HTRA3: variants seen among roughly 807,000 people sequenced by gnomAD.
HTRA3 encodes HtrA serine peptidase 3.
Under a neutral mutation model 43.2 loss-of-function variants are expected in HTRA3, and 41 were observed. The observed-to-expected ratio is 0.95, with a 90% CI of 0.74 to 1.23. The LOEUF (loss-of-function observed/expected upper bound fraction) is 1.23, where lower values mean the gene tolerates loss of function less well. HTRA3 is among the 50% of genes most tolerant of loss of function. The pLI is 0.00. For missense variants in HTRA3, 628 were observed against 647.1 expected, an observed-to-expected ratio of 0.97 and a Z score of 0.32; for synonymous variants, 295 against 287.9, an observed-to-expected ratio of 1.02 and a Z score of -0.25.
intron 3 of HTRA3, among the ~76,000 whole-genome samples, chr4:8,291,008 TA>T (rs1713213674): frequency 6.6e-6 from 1 of 152,236 alleles, no homozygotes; most frequent in Non-Finnish European, 1.5e-5. Context: ...TAGTAGTTTT[TA>T]CCAGGTGTCT....
intron 1 of HTRA3, among the ~76,000 whole-genome samples, chr4:8,271,900 G>A (rs550108887): frequency 6.6e-6 from 1 of 152,350 alleles, no homozygotes; most frequent in African/African-American, 2.4e-5. Flanking sequence ...GGGTGAGGGT[G>A]ATGAGGTCCG....
intron 1 of HTRA3, among the ~76,000 whole-genome samples, chr4:8,274,355 T>C (rs1712432180): frequency 6.6e-6 from 1 of 152,216 alleles, no homozygotes; most frequent in Non-Finnish European, 1.5e-5. Flanking sequence ...CAGGTCATCC[T>C]TCATTGCTTG....
In HTRA3 at chr4:8,294,097, T is replaced by A; in HGVS notation, c.947T>A (p.Val316Asp). The change falls in exon 6 of 9, where the codon GTC (valine) becomes GAC (aspartate). Residue 316 changes from valine to aspartate, a missense_variant. Val to Asp is a radical substitution (Grantham distance 152). Transcript: ENST00000307358. ...TACCTCCCTGCCCAGGATGGCGAGG[T>A]CATTGGCATCAACACGCTCAAGGTC... ...GGPLVNLDGE[V>D]IGINTLKVTA... 1 of 1,609,454 alleles carries A rather than the reference T, an allele frequency of 6.2e-7. No individual in the cohort carries two copies. The highest frequency in any genetic ancestry group is 8.5e-7 in the Non-Finnish European group (1 of 1,177,838).
chr4:8,281,682 C>A (rs1712750023), intron 1 of HTRA3, among the ~76,000 whole-genome samples: 2 of 152,246 alleles, frequency 1.3e-5, no homozygotes, highest in Admixed American at 1.3e-4. Flanking sequence ...GTGCAGGGAA[C>A]CCCGAGGGCT....
Position 8,269,871 on chromosome 4 carries a change from T to C in HTRA3, c.-98T>C. 3 of 517,830 alleles carry C rather than the reference T, an allele frequency of 5.8e-6. No homozygotes were observed. The highest frequency in any genetic ancestry group is 7.5e-6 in the Non-Finnish European group (3 of 400,570). The allele number at this position is 517,830 out of a possible 1,614,324, so 32.1% of individuals were successfully genotyped here. ...TGACCGCGCGTCCGCCCCAGTCCCA[T>C]CCGTAGGCGCCCGGCGCCCGGCCCC... On this transcript the variant is annotated 5_prime_UTR_variant, in exon 1 of 9. Transcript: ENST00000307358.
rs139803968 is a variant in HTRA3, at chr4:8,287,784, G to A, written c.708+1001G>A. Reference sequence around the variant, plus strand: ...TTGGGATTTCAGACGGGGCAACTGAGGCTTGGAAGTTAGGTAACTCGTCCA... The same window carrying A: ...TTGGGATTTCAGACGGGGCAACTGAAGCTTGGAAGTTAGGTAACTCGTCCA... On this transcript the variant is annotated intron_variant, in intron 3 of 8. Coordinates refer to ENST00000307358, the MANE Select transcript of HTRA3 (RefSeq NM_053044.5). Among the ~76,000 whole-genome samples, 96 of 152,344 alleles carry A rather than the reference G, an allele frequency of 6.3e-4. 1 individual carries two copies. The East Asian group carries it at 0.015, about 23-fold the overall frequency.
rs560581817 is a variant in HTRA3 at position 8,284,454 on chromosome 4, T to C, written c.485+1918T>C. Among the ~76,000 whole-genome samples the C allele has an allele frequency of 8.5e-4, 130 of 152,222 alleles. 1 individual carries two copies. The highest frequency in any genetic ancestry group is 3.0e-3 in the African/African-American group (125 of 41,540). On this transcript the variant is annotated intron_variant, in intron 2 of 8. Transcript: ENST00000307358. ...GTGACTGATGCTCTGAGTGGGTGGG[T>C]GAGACCCAGCAAAGATGAGACAGAT...
chr4:8,282,846 G>A lies in HTRA3; in HGVS notation c.485+310G>A, dbSNP rs181701988. ...AATGTGTTGGTCGTCCTGAGGGGCC[G>A]TGCAGTAAAGCAGACACAGACAGAA... On this transcript the variant is annotated intron_variant, in intron 2 of 8. Transcript: ENST00000307358. Among the ~76,000 whole-genome samples, 38 of 152,344 alleles carry A rather than the reference G, an allele frequency of 2.5e-4. No homozygotes were observed. In the East Asian group the frequency reaches 5.4e-3, roughly 22 times the overall value.
intron 1 of HTRA3, among the ~76,000 whole-genome samples, chr4:8,274,787 A>G (rs1712451966): frequency 1.3e-5 from 2 of 152,210 alleles, no homozygotes; most frequent in African/African-American, 4.8e-5. Context: ...GGCTGCAGAT[A>G]AACAGGCCTT....
intron 1 of HTRA3, among the ~76,000 whole-genome samples, chr4:8,278,891 C>T (rs1458066643): frequency 5.3e-5 from 8 of 152,208 alleles, no homozygotes; most frequent in Non-Finnish European, 8.8e-5. Context: ...CACATTCTTT[C>T]TTCAGGGTGC....
chr4:8,298,037 C>T (rs771661735), intron 6 of HTRA3, among the ~76,000 whole-genome samples: 8 of 152,178 alleles, frequency 5.3e-5, no homozygotes, highest in Non-Finnish European at 7.4e-5. Context: ...CCCCGGGCCT[C>T]GTCGCCGCTC....
chr4:8,304,651 T>TTTTTTTTTTTTTTTTTTTTTTTTTTTTTG (rs1713774691), intron 8 of HTRA3, among the ~76,000 whole-genome samples: 1 of 115,356 alleles, frequency 8.7e-6, no homozygotes, highest in Non-Finnish European at 1.7e-5. Context: ...TTGTTTTTTT[T>TTTTTTTTTTTTTTTTTTTTTTTTTTTTTG]TTTTTTTTTT....
intron 3 of HTRA3, among the ~76,000 whole-genome samples, chr4:8,288,841 G>T (rs1016273393): frequency 6.6e-6 from 1 of 151,310 alleles, no homozygotes; most frequent in Non-Finnish European, 1.5e-5. Flanking sequence ...AAAGTGCTAG[G>T]ATTACAGGAA....
chr4:8,291,348 G>A (rs767708867), intron 3 of HTRA3, 22 bp from the exon 4 acceptor site: 22 of 1,608,250 alleles, frequency 1.4e-5, no homozygotes, highest in Non-Finnish European at 1.9e-5. Context: ...CCCTCTCTGT[G>A]TCTTCTCCTT....
Position 8,294,234 on chromosome 4 carries a change from G to A in HTRA3, c.1051+33G>A, listed in dbSNP as rs1297035211. The stretch of plus-strand genomic sequence containing the variant: ...GCTCACCTGGAGGGGGCCAGAGGCA[G>A]GGGGCACTCTCCCAGGGCTACAGCC... On this transcript the variant is annotated intron_variant, in intron 6 of 8. Coordinates refer to ENST00000307358, the MANE Select transcript of HTRA3 (RefSeq NM_053044.5). 2.7e-6 allele frequency: 4 copies of A among 1,475,500 alleles called. No homozygotes were observed. In the Admixed American group the frequency reaches 5.3e-5, roughly 19 times the overall value. 91.4% of individuals were successfully genotyped at this position (1,475,500 alleles called of 1,614,324 possible). A position where few individuals can be genotyped will look rare whatever the true frequency, so the allele number is the denominator to read the frequency against.
chr4:8,284,615 C>T (rs6447855), intron 2 of HTRA3, among the ~76,000 whole-genome samples: 85,161 of 152,150 alleles, frequency 0.56, 24,115 homozygotes, highest in East Asian at 0.81. Flanking sequence ...CTGGGGCTTC[C>T]GCAGGCAAAA....
intron 1 of HTRA3, among the ~76,000 whole-genome samples, chr4:8,271,966 C>T (rs1438986697): frequency 6.6e-6 from 1 of 152,138 alleles, no homozygotes; most frequent in African/African-American, 2.4e-5. Flanking sequence ...GCTGCGGGGT[C>T]TTGGAGACGT....
intron 5 of HTRA3, among the ~76,000 whole-genome samples, chr4:8,293,375 C>T (rs1475330333): frequency 6.6e-6 from 1 of 152,184 alleles, no homozygotes; most frequent in African/African-American, 2.4e-5. Context: ...CACTCGGATG[C>T]TCTTCCTGCC....
At chr4:8,273,345 C>A (rs887622039) in intron 1 of HTRA3, among the ~76,000 whole-genome samples, 2 of 152,166 alleles carry the variant, frequency 1.3e-5, no homozygotes, top group Non-Finnish European at 2.9e-5. Context: ...GGGTGCCGGT[C>A]ACACTTAGTG....
Sources: allele counts gnomAD v4.1 joint callset (sites outside exome capture counted in the v4.1 genomes callset), GRCh38; gene constraint gnomAD v4.1.1; transcripts MANE v1.5; gene names NCBI Gene and HGNC (gene_info 2026-07-23, HGNC 2026-07-21).